The following PRMT3 variants were observed in gnomAD, a reference collection of about 807,000 sequenced individuals.
PRMT3 encodes protein arginine methyltransferase 3, also known as protein arginine N-methyltransferase 3.
PRMT3 carries 62 observed loss-of-function variants against 71.9 expected under a neutral mutation model. The ratio of observed to expected loss-of-function variants is 0.86; its 90% CI spans 0.70 to 1.07. The LOEUF (loss-of-function observed/expected upper bound fraction) is 1.07, where lower values mean the gene tolerates loss of function less well. Among genes scored for constraint, PRMT3 ranks in the 50% least tolerant of loss-of-function variants. The pLI is 0.00. For synonymous variants in PRMT3, 213 were observed against 220.4 expected (o/e 0.97, Z 0.30); for missense variants, 663 against 643.0 (o/e 1.03, Z -0.34).
At chr11:20,489,621 T>A (rs1259753465) in intron 13 of PRMT3, among the ~76,000 whole-genome samples, 2 of 152,104 alleles carry the variant, frequency 1.3e-5, no homozygotes, top group African/African-American at 4.8e-5. Context: ...TAGTGGCATG[T>A]TTATATTTTC....
intron 15 of PRMT3, among the ~76,000 whole-genome samples, chr11:20,497,584 G>C (rs1173389232): frequency 3.3e-5 from 5 of 152,134 alleles, no homozygotes; most frequent in African/African-American, 1.2e-4. Context: ...AACAGATGCT[G>C]GGAAGTTGCA....
At chr11:20,494,790 C>T (rs139876540) in intron 15 of PRMT3, among the ~76,000 whole-genome samples, 2 of 152,120 alleles carry the variant, frequency 1.3e-5, no homozygotes, top group East Asian at 1.9e-4. Flanking sequence ...CTACCTGGCT[C>T]TTAAAGTATC....
At chr11:20,481,498 C>T (rs913832486) in intron 13 of PRMT3, among the ~76,000 whole-genome samples, 5 of 151,968 alleles carry the variant, frequency 3.3e-5, no homozygotes, top group African/African-American at 1.2e-4. Flanking sequence ...TCATCTGGAG[C>T]CCAGCCAAAG....
chr11:20,430,783 T>C (rs558912891), intron 10 of PRMT3, among the ~76,000 whole-genome samples: 1 of 152,184 alleles, frequency 6.6e-6, no homozygotes, highest in Non-Finnish European at 1.5e-5. Context: ...TATTACTAAC[T>C]GTAGTCATCA....
intron 13 of PRMT3, among the ~76,000 whole-genome samples, chr11:20,488,030 CCACT>C (rs1411385262): frequency 6.6e-6 from 1 of 152,078 alleles, no homozygotes; most frequent in African/African-American, 2.4e-5. Context: ...TTTTTTACCA[CCACT>C]CAATCTGGCA....
chr11:20,403,201 A>T (rs1051337831), intron 8 of PRMT3, among the ~76,000 whole-genome samples: 6 of 152,242 alleles, frequency 3.9e-5, no homozygotes, highest in African/African-American at 1.4e-4. Flanking sequence ...GAAAGTTATT[A>T]CAATGGCGTA....
At chr11:20,489,216 A>T (rs1480061532) in intron 13 of PRMT3, among the ~76,000 whole-genome samples, 2 of 152,214 alleles carry the variant, frequency 1.3e-5, no homozygotes, top group Non-Finnish European at 2.9e-5. Context: ...TTTTAGTTAT[A>T]AATTTTTCTG....
chr11:20,464,923 TTA>T (rs1208720680), intron 13 of PRMT3, among the ~76,000 whole-genome samples: 3 of 152,172 alleles, frequency 2.0e-5, no homozygotes, highest in Admixed American at 1.3e-4. Flanking sequence ...GTAGAATATT[TTA>T]TGTTTTATAT....
intron 10 of PRMT3, among the ~76,000 whole-genome samples, chr11:20,446,476 G>T (rs967205054): frequency 2.0e-5 from 3 of 151,886 alleles, no homozygotes; most frequent in Non-Finnish European, 4.4e-5. Context: ...ATGAGCAGAG[G>T]TTCTGGGTTT....
At chr11:20,453,871 A>T (rs1220595320) in intron 11 of PRMT3, among the ~76,000 whole-genome samples, 1 of 152,124 alleles carries the variant, frequency 6.6e-6, no homozygotes, top group Non-Finnish European at 1.5e-5. Context: ...CTTATCTGAA[A>T]ATCGGACATC....
Position 20,392,287 on chromosome 11 carries a change from T to G in PRMT3, c.297+27T>G, listed in dbSNP as rs1466136457. Reference sequence around the variant, plus strand: ...TAAGTTGACAGCTTAATTTATAATTTCGTTTAGAAATCAAAGAAATGCTAC... The same window carrying G: ...TAAGTTGACAGCTTAATTTATAATTGCGTTTAGAAATCAAAGAAATGCTAC... On this transcript the variant is annotated intron_variant, in intron 4 of 15. Coordinates refer to ENST00000331079, the MANE Select transcript of PRMT3 (RefSeq NM_005788.4). 2.6e-6 allele frequency: 4 copies of G among 1,541,674 alleles called. No individual in the cohort carries two copies. The East Asian group carries it at 6.9e-5, about 27-fold the overall frequency.
intron 13 of PRMT3, among the ~76,000 whole-genome samples, chr11:20,486,448 T>C (rs1851074251): frequency 6.6e-6 from 1 of 152,076 alleles, no homozygotes; most frequent in Non-Finnish European, 1.5e-5. Context: ...AAGAGCTAAG[T>C]AGACTAGTAG....
chr11:20,477,301 T>C (rs1850814710), intron 13 of PRMT3, among the ~76,000 whole-genome samples: 1 of 152,026 alleles, frequency 6.6e-6, no homozygotes. Context: ...CTTGGCCGGG[T>C]GTAGCAGCTC....
At chr11:20,449,915 A>G (rs1850111292) in intron 10 of PRMT3, among the ~76,000 whole-genome samples, 1 of 152,118 alleles carries the variant, frequency 6.6e-6, no homozygotes, top group Non-Finnish European at 1.5e-5. Context: ...TGGAGCTGAT[A>G]TTTTAGTAAG....
In PRMT3 at chr11:20,494,218, G is replaced by T. The variant is rs200273283; in HGVS notation, c.1450G>T (p.Val484Leu). 1 of 1,610,810 alleles carries T rather than the reference G, an allele frequency of 6.2e-7. No individual in the cohort carries two copies. The highest frequency in any genetic ancestry group is 1.1e-5 in the South Asian group (1 of 90,948). The change falls in exon 15 of 16, where the codon GTA (valine) becomes TTA (leucine). Residue 484 changes from valine to leucine, a missense_variant. Val to Leu is a conservative substitution (Grantham distance 32). Coordinates refer to ENST00000331079, the MANE Select transcript of PRMT3 (RefSeq NM_005788.4). ...QSTKTHWKQT[V>L]FLLEKPFSVK... ...CACCAAAACACACTGGAAACAAACA[G>T]TATTTCTACTGGAAAAACCATTTTC...
chr11:20,508,498 G>C lies in PRMT3; in HGVS notation c.*85G>C. 1 of 882,466 alleles carries C rather than the reference G, an allele frequency of 1.1e-6. No individual in the cohort carries two copies. The allele number at this position is 882,466 out of a possible 1,614,324, so 54.7% of individuals were successfully genotyped here. ...GGAGGGAGCTGGTTTTATGTGAGCA[G>C]ATGGATGGATGATGGACCCTTTCCT... On this transcript the variant is annotated 3_prime_UTR_variant, in exon 16 of 16. Coordinates refer to ENST00000331079, the MANE Select transcript of PRMT3 (RefSeq NM_005788.4).
intron 11 of PRMT3, among the ~76,000 whole-genome samples, chr11:20,460,875 T>C (rs752675951): frequency 6.6e-6 from 1 of 152,182 alleles, no homozygotes; most frequent in African/African-American, 2.4e-5. Flanking sequence ...CATCTCATCC[T>C]TTCCATTCCC....
At chr11:20,486,406 G>A (rs1289970034) in intron 13 of PRMT3, among the ~76,000 whole-genome samples, 2 of 152,110 alleles carry the variant, frequency 1.3e-5, no homozygotes, top group Non-Finnish European at 2.9e-5. Context: ...CTCAAAGTTG[G>A]TGGAACTATG....
chr11:20,505,090 C>A (rs1030132353), intron 15 of PRMT3, among the ~76,000 whole-genome samples: 1 of 152,076 alleles, frequency 6.6e-6, no homozygotes, highest in Non-Finnish European at 1.5e-5. Context: ...ATTGCTAGTA[C>A]GTAGAAATAG....
Sources: allele counts gnomAD v4.1 joint callset (sites outside exome capture counted in the v4.1 genomes callset), GRCh38; gene constraint gnomAD v4.1.1; transcripts MANE v1.5; gene names NCBI Gene and HGNC (gene_info 2026-07-23, HGNC 2026-07-21).